B3GALT1: variants seen among roughly 807,000 people sequenced by gnomAD.
B3GALT1 encodes UDP-Gal:betaGlcNAc beta 1,3-galactosyltransferase, polypeptide 1.
Under a neutral mutation model 23.2 loss-of-function variants are expected in B3GALT1, and 10 were observed. The ratio of observed to expected loss-of-function variants is 0.43; its 90% CI spans 0.27 to 0.73. The LOEUF is 0.73. B3GALT1 is among the 30% of genes least tolerant of loss of function. The pLI is 0.21. For synonymous variants in B3GALT1, 156 were observed against 141.5 expected, an observed-to-expected ratio of 1.10 and a Z score of -0.73; for missense variants, 299 against 405.4, an observed-to-expected ratio of 0.74 and a Z score of 2.25.
intron 1 of B3GALT1, among the ~76,000 whole-genome samples, chr2:167,457,269 T>G (rs1441209624): frequency 6.6e-6 from 1 of 151,902 alleles, no homozygotes; most frequent in African/African-American, 2.4e-5. Context: ...GCCTCCCAGG[T>G]TCAAACGATT....
chr2:167,863,903 A>T (rs1391987929), intron 4 of B3GALT1, among the ~76,000 whole-genome samples: 1 of 151,998 alleles, frequency 6.6e-6, no homozygotes, highest in Non-Finnish European at 1.5e-5. Flanking sequence ...CTAAGATGTA[A>T]TACTGTGCCT....
rs145153357 is a variant in B3GALT1 at position 167,457,374 on chromosome 2, T to C, written c.-510-32803T>C. Among the ~76,000 whole-genome samples, 877 of 152,050 alleles carry C rather than the reference T, an allele frequency of 5.8e-3. 9 individuals carry two copies. The highest frequency in any genetic ancestry group is 0.02 in the African/African-American group (841 of 41,474). ...TTTTAGTAGAGACAGGGTTTCACCA[T>C]GTCGGGCAGGCTGGTCTTGAACTCC... On this transcript the variant is annotated intron_variant, in intron 1 of 4. Coordinates refer to ENST00000392690, the MANE Select transcript of B3GALT1 (RefSeq NM_020981.4).
rs73023834 is a variant in B3GALT1 at position 167,407,136 on chromosome 2, A to C, written c.-510-83041A>C. Reference sequence around the variant, plus strand: ...AATTTTAAAAAATAGAAATCATATCAAGCATCTTTTCTGAACACAGTAGAA... The same window carrying C: ...AATTTTAAAAAATAGAAATCATATCCAGCATCTTTTCTGAACACAGTAGAA... On this transcript the variant is annotated intron_variant, in intron 1 of 4. Coordinates refer to ENST00000392690, the MANE Select transcript of B3GALT1 (RefSeq NM_020981.4). Among the ~76,000 whole-genome samples the C allele has an allele frequency of 8.4e-3, 1,273 of 152,322 alleles. 24 individuals carry two copies. The highest frequency in any genetic ancestry group is 0.029 in the African/African-American group (1,213 of 41,558).
At chr2:167,318,723 C>G (rs1012650639) in intron 1 of B3GALT1, among the ~76,000 whole-genome samples, 30 of 152,096 alleles carry the variant, frequency 2.0e-4, no homozygotes, top group Admixed American at 9.8e-4. Context: ...GAAATTTCTT[C>G]TTTAACATCC....
chr2:167,648,071 C>G (rs1483195394), intron 3 of B3GALT1, among the ~76,000 whole-genome samples: 1 of 152,078 alleles, frequency 6.6e-6, no homozygotes, highest in Non-Finnish European at 1.5e-5. Flanking sequence ...AAATTTTATG[C>G]TTATGTAATC....
At chr2:167,376,366 A>T (rs1697762682) in intron 1 of B3GALT1, among the ~76,000 whole-genome samples, 1 of 152,084 alleles carries the variant, frequency 6.6e-6, no homozygotes, top group Non-Finnish European at 1.5e-5. Context: ...TTGTAGAATA[A>T]GTTAGGGAGG....
rs73021238 is a variant in B3GALT1 at position 167,820,769 on chromosome 2, A to G, written c.-230+1976A>G. ...AGACAAAAAGCGTTAAGCTTCGCTG[A>G]TTTGTAAAATTGAAAGATAGCCATT... On this transcript the variant is annotated intron_variant, in intron 4 of 4. Coordinates refer to ENST00000392690, the MANE Select transcript of B3GALT1 (RefSeq NM_020981.4). Among the ~76,000 whole-genome samples, 1,137 of 152,368 alleles carry G rather than the reference A, an allele frequency of 7.5e-3. 21 individuals are homozygous for G. The highest frequency in any genetic ancestry group is 0.026 in the African/African-American group (1,077 of 41,588).
intron 1 of B3GALT1, among the ~76,000 whole-genome samples, chr2:167,450,828 AATT>A (rs1453837588): frequency 6.6e-6 from 1 of 152,106 alleles, no homozygotes; most frequent in Non-Finnish European, 1.5e-5. Context: ...CAGGAACATC[AATT>A]ATTCTTAGGT....
chr2:167,380,203 C>G (rs986408160), intron 1 of B3GALT1, among the ~76,000 whole-genome samples: 2 of 152,136 alleles, frequency 1.3e-5, no homozygotes. Flanking sequence ...AAGGATGGAT[C>G]AGCTCAGGCT....
intron 2 of B3GALT1, among the ~76,000 whole-genome samples, chr2:167,614,614 T>G (rs930744212): frequency 1.3e-5 from 2 of 151,978 alleles, no homozygotes; most frequent in African/African-American, 4.8e-5. Context: ...GTAGGCTCAT[T>G]AAAATGTATT....
rs188769652 is a variant in B3GALT1, at chr2:167,477,063, G to A, written c.-510-13114G>A. ...AGGAGTCATCAAAGAATCCTAATGC[G>A]TAACTCAAAATGAGGAGCAAAAGCT... On this transcript the variant is annotated intron_variant, in intron 1 of 4. Transcript: ENST00000392690. Among the ~76,000 whole-genome samples, 11 of 152,226 alleles carry A rather than the reference G, an allele frequency of 7.2e-5. No homozygotes were observed. In the East Asian group the frequency reaches 1.9e-3, roughly 27 times the overall value.
chr2:167,706,061 G>A (rs555746639), intron 3 of B3GALT1, among the ~76,000 whole-genome samples: 4 of 152,128 alleles, frequency 2.6e-5, no homozygotes, highest in Non-Finnish European at 4.4e-5. Flanking sequence ...TAAGGGGGTC[G>A]GGGGAGGCTG....
chr2:167,339,053 T>C (rs1697105765), intron 1 of B3GALT1, among the ~76,000 whole-genome samples: 1 of 152,146 alleles, frequency 6.6e-6, no homozygotes, highest in Non-Finnish European at 1.5e-5. Context: ...TGGAGAACAG[T>C]TTGCTCAAAT....
rs142587155 is a variant in B3GALT1, at chr2:167,757,714, A to G, written c.-351-60958A>G. Among the ~76,000 whole-genome samples, 15 of 152,294 alleles carry G rather than the reference A, an allele frequency of 9.8e-5. No individual in the cohort carries two copies. The East Asian group carries it at 2.9e-3, about 29-fold the overall frequency. ...ATATATGTATATATATATAAAGGTC[A>G]GCCTATGGCTGATTTGATTTGATTT... On this transcript the variant is annotated intron_variant, in intron 3 of 4. Transcript: ENST00000392690.
intron 1 of B3GALT1, among the ~76,000 whole-genome samples, chr2:167,398,102 C>T (rs1235293361): frequency 6.6e-6 from 1 of 152,074 alleles, no homozygotes; most frequent in African/African-American, 2.4e-5. Context: ...ATTCACTGGC[C>T]TATATCTTAT....
At chr2:167,810,249 C>G (rs1688858635) in intron 3 of B3GALT1, among the ~76,000 whole-genome samples, 1 of 150,998 alleles carries the variant, frequency 6.6e-6, no homozygotes, top group African/African-American at 2.5e-5. Context: ...ATGCCTCGCC[C>G]TGCTTCGGCT....
chr2:167,506,134 C>T (rs1351745274), intron 2 of B3GALT1, among the ~76,000 whole-genome samples: 1 of 152,112 alleles, frequency 6.6e-6, no homozygotes, highest in Non-Finnish European at 1.5e-5. Context: ...TTTCCTTATA[C>T]CCCAAAGCAA....
intron 1 of B3GALT1, among the ~76,000 whole-genome samples, chr2:167,411,249 A>G (rs1329664480): frequency 1.3e-5 from 2 of 151,880 alleles, no homozygotes; most frequent in Non-Finnish European, 2.9e-5. Context: ...CAACAACAAC[A>G]ACAAAAATCA....
intron 2 of B3GALT1, among the ~76,000 whole-genome samples, chr2:167,598,502 C>G (rs1348790800): frequency 1.3e-5 from 2 of 151,956 alleles, no homozygotes; most frequent in East Asian, 1.9e-4. Context: ...TAGAAAAGTA[C>G]TTATAAAATG....
Sources: allele counts gnomAD v4.1 joint callset (sites outside exome capture counted in the v4.1 genomes callset), GRCh38; gene constraint gnomAD v4.1.1; transcripts MANE v1.5; gene names NCBI Gene and HGNC (gene_info 2026-07-23, HGNC 2026-07-21).